Variants in CEP112 observed in about 807,000 individuals in gnomAD.
CEP112 encodes the protein centrosomal protein of 112 kDa.
Under a neutral mutation model 153.0 loss-of-function variants are expected in CEP112, and 127 were observed. The observed-to-expected ratio is 0.83, with a 90% CI of 0.72 to 0.96. The LOEUF is 0.96. Ranked by LOEUF, CEP112 falls within the 40% of genes least tolerant of loss-of-function variation. The probability of loss-of-function intolerance (pLI) is 0.00; values close to 1 mark genes in which losing one functional copy is unlikely to be tolerated. For missense variants in CEP112, 1,089 were observed against 1,101.2 expected (o/e 0.99, Z 0.16); for synonymous variants, 358 against 374.4 (o/e 0.96, Z 0.51).
intron 12 of CEP112, among the ~76,000 whole-genome samples, chr17:66,032,508 G>A (rs2065532460): frequency 6.6e-6 from 1 of 152,246 alleles, no homozygotes; most frequent in African/African-American, 2.4e-5. Context: ...CACTAGGAGC[G>A]AAAGTTAGTC....
intron 18 of CEP112, among the ~76,000 whole-genome samples, chr17:65,928,669 T>C (rs180832592): frequency 3.9e-5 from 6 of 151,924 alleles, no homozygotes; most frequent in South Asian, 4.2e-4. Flanking sequence ...CGGAGACCAG[T>C]GTAGGCAACA....
chr17:65,748,351 C>A (rs1041064627), intron 22 of CEP112, among the ~76,000 whole-genome samples: 1 of 152,154 alleles, frequency 6.6e-6, no homozygotes, highest in Non-Finnish European at 1.5e-5. Context: ...TTACTAGTTG[C>A]TTTTTCCTTC....
intron 21 of CEP112, among the ~76,000 whole-genome samples, chr17:65,851,442 G>C (rs1412346639): frequency 2.0e-5 from 3 of 152,156 alleles, no homozygotes; most frequent in African/African-American, 7.2e-5. Context: ...ACTGAGGGAA[G>C]ATCTGAAACT....
At chr17:65,815,746 G>T (rs2056230227) in intron 21 of CEP112, among the ~76,000 whole-genome samples, 1 of 152,082 alleles carries the variant, frequency 6.6e-6, no homozygotes, top group Non-Finnish European at 1.5e-5. Context: ...TATTTGTGAT[G>T]ATGTTGTAAA....
chr17:66,153,388 T>C (rs1410923499), intron 4 of CEP112, among the ~76,000 whole-genome samples: 2 of 146,918 alleles, frequency 1.4e-5, no homozygotes, highest in Admixed American at 6.9e-5. Context: ...AGAAACAATA[T>C]GAACTTCAAA....
chr17:66,188,286 AACACACACACACACAC>A (rs59802008), intron 1 of CEP112, among the ~76,000 whole-genome samples: 5,028 of 109,478 alleles, frequency 0.046, 130 homozygotes, highest in Middle Eastern at 0.089. Flanking sequence ...CACACACACA[AACACACACACACACAC>A]ACACACACAC....
intron 21 of CEP112, among the ~76,000 whole-genome samples, chr17:65,834,148 ATG>A (rs1425306507): frequency 6.6e-6 from 1 of 152,220 alleles, no homozygotes; most frequent in Non-Finnish European, 1.5e-5. Context: ...GGCTAGCCGT[ATG>A]CATAAGACTG....
intron 21 of CEP112, among the ~76,000 whole-genome samples, chr17:65,786,572 C>CT (rs1195368604): frequency 0.21 from 20,996 of 101,574 alleles, 2,160 homozygotes; most frequent in South Asian, 0.26. Flanking sequence ...TTAGCCAATT[C>CT]TTTTTTTTTT....
intron 21 of CEP112, among the ~76,000 whole-genome samples, chr17:65,816,403 C>CT (rs1280019096): frequency 1.3e-5 from 2 of 151,886 alleles, no homozygotes; most frequent in Non-Finnish European, 2.9e-5. Flanking sequence ...GCAGTATACA[C>CT]TGCACCCAAT....
chr17:65,664,060 A>T (rs184666263), intron 24 of CEP112, among the ~76,000 whole-genome samples: 1 of 152,306 alleles, frequency 6.6e-6, no homozygotes, highest in Non-Finnish European at 1.5e-5. Flanking sequence ...AAATAAATAA[A>T]TAAAAAATAA....
intron 21 of CEP112, among the ~76,000 whole-genome samples, chr17:65,808,670 C>T (rs2055761656): frequency 6.6e-6 from 1 of 151,998 alleles, no homozygotes; most frequent in Non-Finnish European, 1.5e-5. Flanking sequence ...CTCTCATGTT[C>T]CATCATGGGA....
intron 20 of CEP112, among the ~76,000 whole-genome samples, chr17:65,893,516 T>A (rs1296174799): frequency 6.6e-6 from 1 of 152,096 alleles, no homozygotes; most frequent in African/African-American, 2.4e-5. Context: ...TTAAAACAAG[T>A]GAAAAAGTAT....
intron 16 of CEP112, among the ~76,000 whole-genome samples, chr17:66,008,955 T>C (rs2064391141): frequency 1.3e-5 from 2 of 152,360 alleles, no homozygotes; most frequent in African/African-American, 4.8e-5. Context: ...CTTGATTCCA[T>C]ATTTTGGCTC....
At chr17:65,797,774 A>G (rs1411895820) in intron 21 of CEP112, among the ~76,000 whole-genome samples, 1 of 152,210 alleles carries the variant, frequency 6.6e-6, no homozygotes, top group African/African-American at 2.4e-5. Context: ...TTTTAAGCCC[A>G]GTTGAAAGCT....
intron 23 of CEP112, among the ~76,000 whole-genome samples, chr17:65,712,633 G>A (rs1307875418): frequency 2.6e-5 from 4 of 152,130 alleles, no homozygotes; most frequent in African/African-American, 9.7e-5. Flanking sequence ...GCTGTGCTGT[G>A]GGGCTTCAAA....
At chr17:65,753,818 G>A (rs1422782569) in intron 21 of CEP112, among the ~76,000 whole-genome samples, 1 of 152,136 alleles carries the variant, frequency 6.6e-6, no homozygotes, top group Non-Finnish European at 1.5e-5. Flanking sequence ...TCATAAAGAT[G>A]AGGTTACTTT....
At position 65,891,072 on chromosome 17, in the gene CEP112, C is replaced by T. The variant is rs145573203; in HGVS notation, c.2163+11080G>A. 8.0e-3 allele frequency among the ~76,000 whole-genome samples: 1,213 copies of T among 152,140 alleles called. 21 individuals are homozygous for T. The highest frequency in any genetic ancestry group is 0.027 in the African/African-American group (1,136 of 41,498). ...GGAGAAACCATTCCTTTTTTATATA[C>T]GTAGGTCCGGCATAGGGGCCTGGCT... On this transcript the variant is annotated intron_variant, in intron 20 of 26. Transcript: ENST00000535342.
intron 21 of CEP112, among the ~76,000 whole-genome samples, chr17:65,847,224 C>G (rs1047600037): frequency 2.6e-4 from 40 of 152,136 alleles, no homozygotes; most frequent in African/African-American, 9.4e-4. Flanking sequence ...GCTAAAAGAA[C>G]TGTCCTCAAA....
chr17:66,034,080 A>G (rs2145763243), intron 12 of CEP112, among the ~76,000 whole-genome samples: 1 of 152,326 alleles, frequency 6.6e-6, no homozygotes, highest in Admixed American at 6.5e-5. Context: ...ATTTTGATAT[A>G]CACAGAGGTC....
Sources: gnomAD v4.1 joint callset for allele counts (sites outside exome capture counted in the v4.1 genomes callset) on GRCh38, gnomAD v4.1.1 for gene constraint, MANE v1.5 for transcripts, NCBI Gene and HGNC (gene_info 2026-07-23, HGNC 2026-07-21) for gene names.